MALRD1: variants seen among roughly 807,000 people sequenced by gnomAD.
MALRD1 encodes MAM and LDL-receptor class A domain-containing protein 1.
A neutral mutation model predicts 242.1 loss-of-function variants in MALRD1; 247 were observed. The ratio of observed to expected loss-of-function variants is 1.02; its 90% confidence interval spans 0.92 to 1.13. The LOEUF (loss-of-function observed/expected upper bound fraction) is 1.13, where lower values mean the gene tolerates loss of function less well. Ranked by LOEUF, MALRD1 falls within the 50% of genes most tolerant of loss-of-function variation. MALRD1 has a pLI of 0.00. For synonymous variants in MALRD1, 995 were observed against 866.6 expected, an observed-to-expected ratio of 1.15 and a Z score of -2.60; for missense variants, 2,989 against 2,533.1, an observed-to-expected ratio of 1.18 and a Z score of -3.86.
intron 36 of MALRD1, among the ~76,000 whole-genome samples, chr10:19,652,166 C>T (rs1420898092): frequency 6.6e-6 from 1 of 152,186 alleles, no homozygotes; most frequent in East Asian, 1.9e-4. Flanking sequence ...TGTCACGTGC[C>T]AACACCCTGG....
At chr10:19,234,293 A>G (rs1167919970) in intron 18 of MALRD1, among the ~76,000 whole-genome samples, 2 of 152,090 alleles carry the variant, frequency 1.3e-5, no homozygotes, top group Non-Finnish European at 2.9e-5. Context: ...AAGAAACTAA[A>G]ATAAAATTTT....
intron 28 of MALRD1, among the ~76,000 whole-genome samples, chr10:19,417,988 C>T (rs142371470): frequency 6.6e-6 from 1 of 152,222 alleles, no homozygotes; most frequent in East Asian, 1.9e-4. Flanking sequence ...CACGCACACA[C>T]ACACACATAC....
chr10:19,587,175 A>G (rs147926826), intron 33 of MALRD1, among the ~76,000 whole-genome samples: 498 of 152,316 alleles, frequency 3.3e-3, no homozygotes, highest in African/African-American at 0.011. Context: ...AAATGCAGAA[A>G]TCACCCATCT....
At chr10:19,443,121 A>G (rs550542009) in intron 28 of MALRD1, among the ~76,000 whole-genome samples, 1 of 152,168 alleles carries the variant, frequency 6.6e-6, no homozygotes, top group African/African-American at 2.4e-5. Flanking sequence ...TGTTTATAGT[A>G]TTCTCTGATG....
At chr10:19,293,092 G>A (rs191618991) in intron 21 of MALRD1, among the ~76,000 whole-genome samples, 4 of 152,066 alleles carry the variant, frequency 2.6e-5, no homozygotes, top group Admixed American at 2.6e-4. Flanking sequence ...GCCTTCTCTG[G>A]TAAGAAGATA....
chr10:19,414,818 C>CT (rs145221157), intron 28 of MALRD1, among the ~76,000 whole-genome samples: 39,621 of 151,934 alleles, frequency 0.26, 6,400 homozygotes, highest in East Asian at 0.4. Context: ...CATGGAGTTT[C>CT]TTGCAAAATT....
At chr10:19,236,478 G>T (rs766192552) in intron 18 of MALRD1, among the ~76,000 whole-genome samples, 13 of 152,086 alleles carry the variant, frequency 8.5e-5, no homozygotes, top group Non-Finnish European at 1.9e-4. Flanking sequence ...TCCTTAGAAG[G>T]CCTATTAGGT....
At chr10:19,724,325 T>C (rs1158391725) in intron 38 of MALRD1, among the ~76,000 whole-genome samples, 1 of 152,142 alleles carries the variant, frequency 6.6e-6, no homozygotes, top group Non-Finnish European at 1.5e-5. Flanking sequence ...AAAATGGCAA[T>C]CAATTTAGTA....
chr10:19,158,729 A>G (rs940803607), intron 12 of MALRD1, among the ~76,000 whole-genome samples: 2 of 152,164 alleles, frequency 1.3e-5, no homozygotes, highest in African/African-American at 2.4e-5. Flanking sequence ...CTCTAACAAA[A>G]TGTTGTTTAG....
At chr10:19,630,876 A>G (rs1839866040) in intron 36 of MALRD1, among the ~76,000 whole-genome samples, 1 of 152,208 alleles carries the variant, frequency 6.6e-6, no homozygotes, top group Non-Finnish European at 1.5e-5. Flanking sequence ...ATGGCAAAAC[A>G]TCATAATATA....
intron 38 of MALRD1, among the ~76,000 whole-genome samples, chr10:19,717,537 T>C (rs1056524840): frequency 2.0e-5 from 3 of 152,192 alleles, no homozygotes; most frequent in Non-Finnish European, 1.5e-5. Flanking sequence ...TCTGTTATAA[T>C]AAAAATTCAT....
In MALRD1 at chr10:19,222,495, G is replaced by T. The variant is rs12572786; in HGVS notation, c.2991+12815G>T. 0.016 allele frequency among the ~76,000 whole-genome samples: 2,494 copies of T among 152,232 alleles called. 101 individuals carry two copies. The East Asian group carries it at 0.17, about 11-fold the overall frequency. On this transcript the variant is annotated intron_variant, in intron 18 of 39. Transcript: ENST00000454679. ...CACAAGGAAGTATTTAAATATACACGTGTAATACGAAGAAAATTGCATTAG... is the reference window on the plus strand; with the variant it reads ...CACAAGGAAGTATTTAAATATACACTTGTAATACGAAGAAAATTGCATTAG...
chr10:19,705,489 C>T (rs1833819741), intron 38 of MALRD1, among the ~76,000 whole-genome samples: 1 of 152,184 alleles, frequency 6.6e-6, no homozygotes, highest in African/African-American at 2.4e-5. Context: ...AGTTTGAGAT[C>T]CACAAACCTC....
rs142611534 is a variant in MALRD1 at position 19,692,601 on chromosome 10, A to T, written c.6314+47A>T. 1.2e-4 allele frequency: 177 copies of T among 1,420,178 alleles called. No homozygotes were observed. The East Asian group carries it at 4.0e-3, about 32-fold the overall frequency. The allele number at this position is 1,420,178 out of a possible 1,614,324, so 88.0% of individuals were successfully genotyped here. On this transcript the variant is annotated intron_variant, in intron 38 of 39. Coordinates refer to ENST00000454679, the MANE Select transcript of MALRD1 (RefSeq NM_001142308.3). ...TAAATGAAATATACCGTAGCAGAAA[A>T]ATTTTCTTCAACATTTCCTTTGCTA...
intron 33 of MALRD1, among the ~76,000 whole-genome samples, chr10:19,577,393 C>T (rs1836882912): frequency 6.6e-6 from 1 of 152,092 alleles, no homozygotes; most frequent in African/African-American, 2.4e-5. Flanking sequence ...CCAGAAAATG[C>T]CATTAAATGC....
chr10:19,322,978 T>A (rs1842964425), intron 21 of MALRD1, among the ~76,000 whole-genome samples: 1 of 152,168 alleles, frequency 6.6e-6, no homozygotes, highest in Non-Finnish European at 1.5e-5. Flanking sequence ...GACTTTAATG[T>A]TTTATTCTCT....
At chr10:19,692,818 T>TTA (rs1436172069) in intron 38 of MALRD1, among the ~76,000 whole-genome samples, 11 of 143,558 alleles carry the variant, frequency 7.7e-5, no homozygotes, top group East Asian at 2.0e-4. Flanking sequence ...TATATGAAAT[T>TTA]TATATATATA....
At chr10:19,392,358 C>T (rs1352840483) in intron 28 of MALRD1, among the ~76,000 whole-genome samples, 3 of 152,256 alleles carry the variant, frequency 2.0e-5, no homozygotes, top group African/African-American at 4.8e-5. Context: ...AACCCTGAGC[C>T]CCAAGTGTTC....
chr10:19,220,744 T>G lies in MALRD1; in HGVS notation c.2991+11064T>G, dbSNP rs532821271. 7.6e-4 allele frequency among the ~76,000 whole-genome samples: 116 copies of G among 152,214 alleles called. 1 individual carries two copies. The highest frequency in any genetic ancestry group is 2.6e-3 in the African/African-American group (108 of 41,528). ...AAATGTTTTCTTACACCTGTTTTCC[T>G]CCTGCTTTTCCTTGGTAGGACTTAG... is the stretch of plus-strand genomic sequence containing the variant. On this transcript the variant is annotated intron_variant, in intron 18 of 39. Coordinates refer to ENST00000454679, the MANE Select transcript of MALRD1 (RefSeq NM_001142308.3).
Sources: gnomAD v4.1 joint callset for allele counts (sites outside exome capture counted in the v4.1 genomes callset) on GRCh38, gnomAD v4.1.1 for gene constraint, MANE v1.5 for transcripts, NCBI Gene and HGNC (gene_info 2026-07-23, HGNC 2026-07-21) for gene names.